The following DCDC1 variants were observed in gnomAD, a reference collection of about 807,000 sequenced individuals.
DCDC1 encodes the protein doublecortin domain containing 1.
In DCDC1, 200 loss-of-function variants were observed where a neutral mutation model predicts 178.3. The observed-to-expected ratio is 1.12, with a 90% CI of 1.00 to 1.26. The LOEUF (loss-of-function observed/expected upper bound fraction) is 1.26. DCDC1 is among the 50% of genes most tolerant of loss of function. The probability of loss-of-function intolerance (pLI) is 0.00; values close to 1 mark genes in which losing one functional copy is unlikely to be tolerated. For missense variants in DCDC1, 1,983 were observed against 1,749.2 expected (o/e 1.13, Z -2.38); for synonymous variants, 690 against 604.8 (o/e 1.14, Z -2.07).
intron 9 of DCDC1, among the ~76,000 whole-genome samples, chr11:31,144,410 T>C (rs1341739030): frequency 1.3e-5 from 2 of 152,174 alleles, no homozygotes; most frequent in African/African-American, 4.8e-5. Flanking sequence ...GGGCTGGGAT[T>C]GCAGGCATGA....
intron 9 of DCDC1, among the ~76,000 whole-genome samples, chr11:31,183,813 C>T (rs1198135000): frequency 6.6e-6 from 1 of 152,160 alleles, no homozygotes; most frequent in South Asian, 2.1e-4. Flanking sequence ...AAAAACATTC[C>T]ATGTTCATGG....
intron 20 of DCDC1, among the ~76,000 whole-genome samples, chr11:31,053,987 G>T (rs1955427604): frequency 6.6e-6 from 1 of 152,064 alleles, no homozygotes; most frequent in African/African-American, 2.4e-5. Flanking sequence ...TCAGACAAGA[G>T]AAATAAATAA....
intron 7 of DCDC1, among the ~76,000 whole-genome samples, chr11:31,282,627 G>A (rs926424249): frequency 1.3e-5 from 2 of 151,942 alleles, no homozygotes; most frequent in Non-Finnish European, 2.9e-5. Context: ...GCAGCAAAGG[G>A]TCTATAAAAG....
intron 1 of DCDC1, among the ~76,000 whole-genome samples, chr11:31,342,963 A>G (rs1359332477): frequency 6.6e-6 from 1 of 152,106 alleles, no homozygotes; most frequent in Non-Finnish European, 1.5e-5. Flanking sequence ...TTTTTTTCCC[A>G]TAAAGTAGTT....
chr11:31,260,896 A>G (rs968481137), intron 8 of DCDC1, among the ~76,000 whole-genome samples: 10 of 152,212 alleles, frequency 6.6e-5, no homozygotes, highest in Non-Finnish European at 2.9e-5. Flanking sequence ...CTGATATATA[A>G]TTAGTAAATA....
chr11:30,971,149 T>C (rs928717082), intron 20 of DCDC1, among the ~76,000 whole-genome samples: 7 of 152,148 alleles, frequency 4.6e-5, no homozygotes, highest in African/African-American at 1.7e-4. Flanking sequence ...TACATCTTCA[T>C]GAAAAAGTCC....
chr11:31,294,842 GAAAGAA>G (rs1947549985), intron 6 of DCDC1, among the ~76,000 whole-genome samples: 1 of 144,902 alleles, frequency 6.9e-6, no homozygotes, highest in Non-Finnish European at 1.5e-5. Flanking sequence ...AAGAAAGAAA[GAAAGAA>G]AGAAAGAAAG....
Position 31,321,841 on chromosome 11 carries a change from G to T in DCDC1, c.164+6276C>A, listed in dbSNP as rs1591755385. 2.0e-5 allele frequency among the ~76,000 whole-genome samples: 3 copies of T among 152,182 alleles called. 1 individual carries two copies. In the South Asian group the frequency reaches 6.2e-4, roughly 32 times the overall value. On this transcript the variant is annotated intron_variant, in intron 3 of 38. Transcript: ENST00000684477. The stretch of plus-strand genomic sequence containing the variant: ...AATATTAATTGTCAGGTGAAAGAGA[G>T]AACTATTAAATAGTTACACATATAA...
chr11:30,870,424 T>A (rs1354135467), intron 38 of DCDC1, among the ~76,000 whole-genome samples: 2 of 152,150 alleles, frequency 1.3e-5, no homozygotes, highest in African/African-American at 2.4e-5. Flanking sequence ...TGAACAGAAC[T>A]CATATTTTAA....
chr11:31,280,876 G>T, intron 7 of DCDC1: 2 of 638,056 alleles, frequency 3.1e-6, no homozygotes, highest in East Asian at 7.2e-5. Flanking sequence ...TCTTCTGCCC[G>T]AAGAGACCAT....
intron 1 of DCDC1, among the ~76,000 whole-genome samples, chr11:31,367,775 A>G (rs1952038243): frequency 6.6e-6 from 1 of 152,244 alleles, no homozygotes; most frequent in Non-Finnish European, 1.5e-5. Flanking sequence ...GGCTTACATT[A>G]TATTTCTATT....
intron 15 of DCDC1, among the ~76,000 whole-genome samples, chr11:31,100,169 G>A (rs925091279): frequency 7.2e-5 from 11 of 152,238 alleles, no homozygotes; most frequent in African/African-American, 2.6e-4. Flanking sequence ...AAATCATGGA[G>A]TGCTTTCAGA....
chr11:31,137,886 A>G (rs1963351744), intron 9 of DCDC1, 102 bp from the exon 10 acceptor site: 15 of 585,004 alleles, frequency 2.6e-5, no homozygotes, highest in South Asian at 1.7e-4. Flanking sequence ...ATGTGATTTG[A>G]TATTAATTTT....
At chr11:30,880,887 C>T (rs1942598525) in intron 37 of DCDC1, among the ~76,000 whole-genome samples, 3 of 152,074 alleles carry the variant, frequency 2.0e-5, no homozygotes, top group Non-Finnish European at 4.4e-5. Flanking sequence ...AGGGGAATAC[C>T]TTCAAATGAG....
intron 17 of DCDC1, among the ~76,000 whole-genome samples, chr11:31,090,481 C>T (rs755946994): frequency 9.9e-5 from 15 of 152,076 alleles, no homozygotes; most frequent in Non-Finnish European, 2.2e-4. Flanking sequence ...TGATACCTAC[C>T]CTATCAGATT....
chr11:31,218,099 T>C (rs2136638956), intron 9 of DCDC1, among the ~76,000 whole-genome samples: 1 of 152,198 alleles, frequency 6.6e-6, no homozygotes, highest in African/African-American at 2.4e-5. Context: ...TTTTTATCTT[T>C]TGTCATTTGC....
chr11:31,049,847 C>T (rs1308437218), intron 20 of DCDC1, among the ~76,000 whole-genome samples: 1 of 152,156 alleles, frequency 6.6e-6, no homozygotes, highest in East Asian at 1.9e-4. Context: ...GCAGAAAGGC[C>T]CTGGGAGCTT....
In DCDC1 at chr11:30,864,925, T is replaced by C. The variant is rs558102440; in HGVS notation, c.*448A>G. 1 of 152,316 alleles carries C rather than the reference T, an allele frequency of 6.6e-6. No homozygotes were observed. Among genetic ancestry groups the C allele is most frequent in the East Asian group, 1.9e-4 (1 of 5,190 alleles). The allele number at this position is 152,316 out of a possible 1,614,324, so 9.4% of individuals were successfully genotyped here. On this transcript the variant is annotated 3_prime_UTR_variant, in exon 39 of 39. Transcript: ENST00000684477. ...ATGTTCATTCTTCAAAATAGGCCCATTGAAAAAACTGAGTTATTTTGAAGG... is the reference window on the plus strand; with the variant it reads ...ATGTTCATTCTTCAAAATAGGCCCACTGAAAAAACTGAGTTATTTTGAAGG...
intron 9 of DCDC1, among the ~76,000 whole-genome samples, chr11:31,153,675 C>T (rs560329138): frequency 1.3e-5 from 2 of 151,980 alleles, no homozygotes; most frequent in South Asian, 2.1e-4. Context: ...CCCAGCTACT[C>T]GGAAGGCTGA....
Sources: gnomAD v4.1 joint callset for allele counts (sites outside exome capture counted in the v4.1 genomes callset) on GRCh38, gnomAD v4.1.1 for gene constraint, MANE v1.5 for transcripts, NCBI Gene and HGNC (gene_info 2026-07-23, HGNC 2026-07-21) for gene names.